TRAPPC11: variants seen among roughly 807,000 people sequenced by gnomAD.
TRAPPC11 encodes trafficking protein particle complex subunit 11.
Under a neutral mutation model 151.2 loss-of-function variants are expected in TRAPPC11, and 104 were observed. That is an observed-to-expected ratio of 0.69 (90% CI 0.59 to 0.81). The LOEUF (loss-of-function observed/expected upper bound fraction) is 0.81, where lower values mean the gene tolerates loss of function less well. Among genes scored for constraint, TRAPPC11 ranks in the 30% least tolerant of loss-of-function variants. The pLI is 0.00. For missense variants in TRAPPC11, 1,230 were observed against 1,349.6 expected (o/e 0.91, Z 1.39); for synonymous variants, 456 against 472.3 (o/e 0.97, Z 0.45).
intron 22 of TRAPPC11, 142 bp downstream of exon 22, chr4:183,694,180 AT>A: frequency 1.1e-6 from 1 of 883,004 alleles, no homozygotes; most frequent in Non-Finnish European, 1.7e-6. Flanking sequence ...TTTCATACAC[AT>A]TTTACATACG....
chr4:183,661,004 ACCCAGCCTGGTCAC>A (rs1734478106), intron 1 of TRAPPC11, among the ~76,000 whole-genome samples: 1 of 151,774 alleles, frequency 6.6e-6, no homozygotes, highest in East Asian at 1.9e-4. Flanking sequence ...GAGCCGCTGT[ACCCAGCCTGGTCAC>A]CCCTTTTTAA....
In TRAPPC11 at chr4:183,663,997, C is replaced by T. The variant is rs757210292; in HGVS notation, c.130C>T (p.Arg44Trp). ...RAVWDAFCANRRADRVPISFK... is the reference protein window; with the variant it reads ...RAVWDAFCANWRADRVPISFK... ...TGTCTGGGACGCCTTCTGTGCAAAT[C>T]GGAGAGCTGATCGAGTACCAATTTC... Residue 44 changes from arginine (R) to tryptophan (W), a missense_variant, in exon 2 of 30, where the codon CGG (arginine) becomes TGG (tryptophan). Arg to Trp is a moderately radical substitution (Grantham distance 101). Transcript: ENST00000334690. 21 of 1,613,906 alleles carry T rather than the reference C, an allele frequency of 1.3e-5. No individual in the cohort carries two copies. Among genetic ancestry groups the T allele is most frequent in the African/African-American group, 6.7e-5 (5 of 74,886 alleles).
In TRAPPC11 at chr4:183,668,342, A is replaced by AT. The variant is rs11454902; in HGVS notation, c.560+225_560+226insT. ...GTTGCTCAAGTTTCCTTCCAAAAAA[A>AT]GTCTTTTTGTATAAGAACAAATATA... is the stretch of plus-strand genomic sequence containing the variant. On this transcript the variant is annotated intron_variant, in intron 5 of 29. Coordinates refer to ENST00000334690, the MANE Select transcript of TRAPPC11 (RefSeq NM_021942.6). Among the ~76,000 whole-genome samples the AT allele has an allele frequency of 0.49, 74,844 of 151,908 alleles. 19,027 individuals are homozygous for AT. The highest frequency in any genetic ancestry group is 0.62 in the African/African-American group (25,757 of 41,428).
At chr4:183,665,929 C>CTTTTTTTTTTTTTTTT (rs11462767) in intron 2 of TRAPPC11, among the ~76,000 whole-genome samples, 7 of 137,888 alleles carry the variant, frequency 5.1e-5, no homozygotes, top group Non-Finnish European at 3.1e-5. Context: ...AAATGGGCTA[C>CTTTTTTTTTTTTTTTT]TTTTTTTTTT....
intron 7 of TRAPPC11, 129 bp downstream of exon 7, chr4:183,675,366 G>A: frequency 2.2e-6 from 1 of 458,574 alleles, no homozygotes. Flanking sequence ...TTAGGAATTA[G>A]TGTAGAGATG....
intron 1 of TRAPPC11, 99 bp from the exon 2 acceptor site, chr4:183,663,748 T>C: frequency 3.9e-6 from 2 of 511,814 alleles, no homozygotes; most frequent in East Asian, 3.4e-5. Context: ...TTTTTTTTTT[T>C]TTTTTTTGAG....
intron 23 of TRAPPC11, among the ~76,000 whole-genome samples, chr4:183,696,396 CTTTTATTT>C (rs966108228): frequency 6.6e-6 from 1 of 151,776 alleles, no homozygotes; most frequent in African/African-American, 2.4e-5. Context: ...TTTCTTCTTT[CTTTTATTT>C]TTTTATTTTG....
At chr4:183,679,706 C>G (rs539231446) in intron 9 of TRAPPC11, among the ~76,000 whole-genome samples, 16 of 152,258 alleles carry the variant, frequency 1.1e-4, no homozygotes, top group Non-Finnish European at 2.2e-4. Context: ...TTTCATTCAG[C>G]ATATATTTAT....
At chr4:183,679,621 T>A (rs984938897) in intron 9 of TRAPPC11, 135 bp downstream of exon 9, 1 of 633,460 alleles carries the variant, frequency 1.6e-6, no homozygotes, top group African/African-American at 1.9e-5. Context: ...AGCATAAGTA[T>A]GTTTCTGGTA....
At chr4:183,698,067 A>T (rs568944535) in intron 25 of TRAPPC11, among the ~76,000 whole-genome samples, 5 of 152,268 alleles carry the variant, frequency 3.3e-5, no homozygotes, top group African/African-American at 9.6e-5. Context: ...TCCTACTCTA[A>T]GGGAGTTATA....
intron 7 of TRAPPC11, among the ~76,000 whole-genome samples, chr4:183,677,013 C>T (rs1439297458): frequency 6.6e-6 from 1 of 152,198 alleles, no homozygotes; most frequent in African/African-American, 2.4e-5. Flanking sequence ...GATCCGCCCA[C>T]CTCAGCCTCT....
intron 19 of TRAPPC11, among the ~76,000 whole-genome samples, chr4:183,691,729 A>T (rs1238047619): frequency 6.6e-6 from 1 of 152,130 alleles, no homozygotes; most frequent in African/African-American, 2.4e-5. Context: ...TTGTCATTTA[A>T]TAGTGTATAT....
At chr4:183,679,589 C>T in intron 9 of TRAPPC11, 103 bp downstream of exon 9, 1 of 936,908 alleles carries the variant, frequency 1.1e-6, no homozygotes, top group Non-Finnish European at 1.5e-6. Context: ...TTTTTTGTCA[C>T]TAAGTAGGTT....
At position 183,693,655 on chromosome 4, in the gene TRAPPC11, A is replaced by C. The variant is rs1379047562; in HGVS notation, c.2304A>C (p.Glu768Asp). The change falls in exon 21 of 30, where the codon GAA becomes GAC. Residue 768 changes from glutamate (E) to aspartate (D), a missense_variant. Glu to Asp is a conservative substitution (Grantham distance 45). Transcript: ENST00000334690. ...ATGAACCCCCTGCACTGACTAATGA[A>C]ATGTATTGTTTGGTTGTGACTGTTC... ...LLHEPPALTN[E>D]MYCLVVTVQS... is the part of the protein sequence containing the mutation. 1 of 1,613,992 alleles carries C rather than the reference A, an allele frequency of 6.2e-7. No individual in the cohort carries two copies. Among genetic ancestry groups the C allele is most frequent in the Non-Finnish European group, 8.5e-7 (1 of 1,180,022 alleles).
rs754163211 is a variant in TRAPPC11, at chr4:183,694,604, CT to C, written c.2510del (p.Leu837ArgfsTer24). The C allele has an allele frequency of 1.2e-6, 2 of 1,610,660 alleles. No individual in the cohort carries two copies. The highest frequency in any genetic ancestry group is 1.7e-6 in the Non-Finnish European group (2 of 1,178,112). ...PVGDLHPGEQ[L>X]EKMLYVRCGT... is the part of the protein sequence containing the mutation. ...AATTACAACATTTATTTTGTTACAG[CT>C]GGAAAAAATGTTGTATGTTCGCTGT... On this transcript the variant is annotated frameshift_variant and splice_region_variant, in exon 23 of 30. Transcript: ENST00000334690. LOFTEE classifies it high-confidence loss of function.
At chr4:183,662,355 A>AC (rs1491435549) in intron 1 of TRAPPC11, among the ~76,000 whole-genome samples, 3 of 24,752 alleles carry the variant, frequency 1.2e-4, no homozygotes, top group Non-Finnish European at 2.5e-4. Context: ...ACTCCGTCTC[A>AC]AAAAAAAAAA....
intron 29 of TRAPPC11, among the ~76,000 whole-genome samples, chr4:183,709,229 G>A (rs575472582): frequency 7.9e-5 from 12 of 152,106 alleles, no homozygotes; most frequent in African/African-American, 2.2e-4. Flanking sequence ...ACTGCTGTGC[G>A]CCCTCTTTTA....
At position 183,685,359 on chromosome 4, in the gene TRAPPC11, GC is replaced by G. The variant is rs763507812; in HGVS notation, c.1719del (p.Ser574AlafsTer6). The G allele has an allele frequency of 1.1e-5, 18 of 1,613,998 alleles. No homozygotes were observed. The highest frequency in any genetic ancestry group is 1.5e-5 in the Non-Finnish European group (18 of 1,180,020). On this transcript the variant is annotated frameshift_variant, in exon 17 of 30. Transcript: ENST00000334690. LOFTEE classifies it high-confidence loss of function. ...TGGGCAGACCGAATTTCTCTGGCTGGCAGCAATATTTTCACAATAGGAGTAC... is the reference window on the plus strand; with the variant it reads ...TGGGCAGACCGAATTTCTCTGGCTGGAGCAATATTTTCACAATAGGAGTAC... ...KLWADRISLAGSNIFTIGVQD... is the reference protein window; with the variant it reads ...KLWADRISLAXSNIFTIGVQD...
chr4:183,693,072 G>C lies in TRAPPC11; in HGVS notation c.2162G>C (p.Arg721Pro). 4 of 1,613,164 alleles carry C rather than the reference G, an allele frequency of 2.5e-6. No homozygotes were observed. The highest frequency in any genetic ancestry group is 3.4e-6 in the Non-Finnish European group (4 of 1,179,506). ...TCCCAAGAAGCCTTACAGGCAGCTC[G>C]GTCTTTCAAAAGGCGACCTAAGCTA... is the stretch of plus-strand genomic sequence containing the variant. ...ASSQEALQAA[R>P]SFKRRPKLPD... The change falls in exon 20 of 30, where the codon CGG becomes CCG. Residue 721 changes from arginine to proline, a missense_variant. Coordinates refer to ENST00000334690, the MANE Select transcript of TRAPPC11 (RefSeq NM_021942.6).
Sources: gnomAD v4.1 joint callset for allele counts (sites outside exome capture counted in the v4.1 genomes callset) on GRCh38, gnomAD v4.1.1 for gene constraint, MANE v1.5 for transcripts, NCBI Gene and HGNC (gene_info 2026-07-23, HGNC 2026-07-21) for gene names.